Variants in RPL37A observed in about 807,000 individuals in gnomAD.
RPL37A encodes the protein large ribosomal subunit protein eL43.
A neutral mutation model predicts 13.6 loss-of-function variants in RPL37A; 5 were observed. The observed-to-expected ratio is 0.37, with a 90% CI of 0.19 to 0.78. The LOEUF is 0.78. RPL37A is among the 30% of genes least tolerant of loss of function. The pLI, the probability that RPL37A is intolerant of heterozygous loss-of-function variation, is 0.49. For synonymous variants in RPL37A, 50 were observed against 44.4 expected (o/e 1.13, Z -0.50); for missense variants, 77 against 120.0 (o/e 0.64, Z 1.67).
Position 216,499,482 on chromosome 2 carries a change from A to T in RPL37A, c.132+84A>T, listed in dbSNP as rs1695559096. Reference sequence around the variant, plus strand: ...AGGCCTGACTTCAAGGTATTTTATAAGCCGTGTGCTGGTGGGCAGTTGGAA... The same window carrying T: ...AGGCCTGACTTCAAGGTATTTTATATGCCGTGTGCTGGTGGGCAGTTGGAA... On this transcript the variant is annotated intron_variant, in intron 2 of 3. Transcript: ENST00000491306. The T allele has an allele frequency of 5.3e-6, 8 of 1,510,470 alleles. No homozygotes were observed. In the South Asian group the frequency reaches 1.0e-4, roughly 19 times the overall value. The allele number at this position is 1,510,470 out of a possible 1,614,324, so 93.6% of individuals were successfully genotyped here.
chr2:216,502,570 T>G lies in RPL37A; in HGVS notation c.*1166T>G, dbSNP rs1365310363. The G allele has an allele frequency of 6.6e-6, 1 of 152,246 alleles. No individual in the cohort carries two copies. Among genetic ancestry groups the G allele is most frequent in the Non-Finnish European group, 1.5e-5 (1 of 68,048 alleles). 9.4% of individuals were successfully genotyped at this position (152,246 alleles called of 1,614,324 possible). ...ATGAATTGCCTTGGAGAATTCGAGTTATTTTAGGCCTGCCTTTGACACTTT... is the reference window on the plus strand; with the variant it reads ...ATGAATTGCCTTGGAGAATTCGAGTGATTTTAGGCCTGCCTTTGACACTTT... On this transcript the variant is annotated 3_prime_UTR_variant, in exon 4 of 4. Coordinates refer to ENST00000491306, the MANE Select transcript of RPL37A (RefSeq NM_000998.5).
chr2:216,502,415 C>G lies in RPL37A; in HGVS notation c.*1011C>G, dbSNP rs1239038574. On this transcript the variant is annotated 3_prime_UTR_variant, in exon 4 of 4. Coordinates refer to ENST00000491306, the MANE Select transcript of RPL37A (RefSeq NM_000998.5). ...TTCATTTGACCTACACCATCAGCATCTTCAGGAAACAGTATGAAACTAATT... is the reference window on the plus strand; with the variant it reads ...TTCATTTGACCTACACCATCAGCATGTTCAGGAAACAGTATGAAACTAATT... The G allele has an allele frequency of 6.6e-6, 1 of 152,228 alleles. No homozygotes were observed. The highest frequency in any genetic ancestry group is 1.5e-5 in the Non-Finnish European group (1 of 68,042). 9.4% of individuals were successfully genotyped at this position (152,228 alleles called of 1,614,324 possible). A position where few individuals can be genotyped will look rare whatever the true frequency, so the allele number is the denominator to read the frequency against.
chr2:216,499,037 G>A, intron 1 of RPL37A, 160 bp downstream of exon 1: 1 of 1,256,150 alleles, frequency 8.0e-7, no homozygotes, highest in South Asian at 1.4e-5. Context: ...AAGGCGGAGG[G>A]GCGGGGGCGC....
intron 3 of RPL37A, chr2:216,500,719 G>C (rs1430487767): frequency 2.0e-5 from 3 of 152,240 alleles, no homozygotes; most frequent in Admixed American, 1.3e-4. Context: ...TGCTTTCTTG[G>C]TTCTGATAGG....
rs1409201745 is a variant in RPL37A, at chr2:216,500,015, G to A, written c.199G>A (p.Gly67Ser). The stretch of plus-strand genomic sequence containing the variant: ...TTCCTGCATGAAGACAGTGGCTGGC[G>A]GTGCCTGGACGTACAAGTGAGTCTA... ...CGSCMKTVAG[G>S]AWTYNTTSAV... Residue 67 changes from glycine (G) to serine (S), a missense_variant, in exon 3 of 4, where the codon GGT becomes AGT. Around this residue, in one of 3 missense-constraint regions of RPL37A, gnomAD observed 59 missense variants for 65.5 expected, o/e 0.90. Coordinates refer to ENST00000491306, the MANE Select transcript of RPL37A (RefSeq NM_000998.5). 6.2e-7 allele frequency: 1 copy of A among 1,613,508 alleles called. No homozygotes were observed. The highest frequency in any genetic ancestry group is 8.5e-7 in the Non-Finnish European group (1 of 1,179,818).
rs867180308 is a variant in RPL37A at position 216,498,852 on chromosome 2, G to T, written c.-23G>T. ...GCGCACCGCGTCTCTTCCTTTCTGG[G>T]CTCGGACCTAGGTCGCGGCGACATG... On this transcript the variant is annotated 5_prime_UTR_variant, in exon 1 of 4. Transcript: ENST00000491306. The T allele has an allele frequency of 2.5e-6, 4 of 1,613,998 alleles. No homozygotes were observed. The African/African-American group carries it at 5.3e-5, about 22-fold the overall frequency.
Position 216,501,446 on chromosome 2 carries a change from T to G in RPL37A, c.*42T>G. On this transcript the variant is annotated 3_prime_UTR_variant, in exon 4 of 4. Transcript: ENST00000491306. ...TGAGACATCACTGGCCTATAATAAA[T>G]GGGTTAATTTATGTAACAAAATTGC... The G allele has an allele frequency of 1.4e-6, 2 of 1,421,674 alleles. No homozygotes were observed. Among genetic ancestry groups the G allele is most frequent in the South Asian group, 2.4e-5 (2 of 83,248 alleles). The allele number at this position is 1,421,674 out of a possible 1,614,324, so 88.1% of individuals were successfully genotyped here.
At position 216,503,687 on chromosome 2, in the gene RPL37A, C is replaced by T. The variant is rs1428485896; in HGVS notation, c.*2283C>T. 1 of 152,204 alleles carries T rather than the reference C, an allele frequency of 6.6e-6. No homozygotes were observed. Among genetic ancestry groups the T allele is most frequent in the Non-Finnish European group, 1.5e-5 (1 of 68,050 alleles). 9.4% of individuals were successfully genotyped at this position (152,204 alleles called of 1,614,324 possible). A position where few individuals can be genotyped will look rare whatever the true frequency, so the allele number is the denominator to read the frequency against. On this transcript the variant is annotated 3_prime_UTR_variant, in exon 4 of 4. Transcript: ENST00000491306. ...CAAAGTGCTGGGATTCTGTAAGCCA[C>T]CTCACCCAGCCATGTATTGCTTTTT...
At position 216,499,914 on chromosome 2, in the gene RPL37A, C is replaced by T. The variant is rs768734933; in HGVS notation, c.133-35C>T. The T allele has an allele frequency of 3.9e-6, 6 of 1,549,514 alleles. No individual in the cohort carries two copies. In the East Asian group the frequency reaches 1.3e-4, roughly 35 times the overall value. On this transcript the variant is annotated intron_variant, in intron 2 of 3. Transcript: ENST00000491306. ...GGATGCTTGTAAGAGAAAATACTTACTTGGTTCATAGTGAAAATTGGTTCT... is the reference window on the plus strand; with the variant it reads ...GGATGCTTGTAAGAGAAAATACTTATTTGGTTCATAGTGAAAATTGGTTCT...
chr2:216,501,180 T>C (rs1447857504), intron 3 of RPL37A, 161 bp from the exon 4 acceptor site: 9 of 564,364 alleles, frequency 1.6e-5, no homozygotes, highest in Non-Finnish European at 2.9e-5. Context: ...GATCTTTGGA[T>C]TGACTGCAGC....
rs201923364 is a variant in RPL37A at position 216,501,695 on chromosome 2, T to TA, written c.*294dup. 452 of 249,050 alleles carry TA rather than the reference T, an allele frequency of 1.8e-3. 6 individuals are homozygous for TA. In the East Asian group the frequency reaches 0.024, roughly 13 times the overall value. 15.4% of individuals were successfully genotyped at this position (249,050 alleles called of 1,614,324 possible). ...CTTTGAGATACATTGGAGCCAACTG[T>TA]AAACTTTAGTTTTTAAATTACAGTT... On this transcript the variant is annotated 3_prime_UTR_variant, in exon 4 of 4. Coordinates refer to ENST00000491306, the MANE Select transcript of RPL37A (RefSeq NM_000998.5).
At chr2:216,499,040 G>C in intron 1 of RPL37A, 163 bp downstream of exon 1, 1 of 1,243,984 alleles carries the variant, frequency 8.0e-7, no homozygotes, top group East Asian at 2.5e-5. Flanking sequence ...GCGGAGGGGC[G>C]GGGGCGCCTT....
rs776813037 is a variant in RPL37A, at chr2:216,499,335, G to A, written c.69G>A (p.Arg23=). The change falls in exon 2 of 4, where the codon CGG becomes CGA. Residue 23 remains arginine, a synonymous_variant. Transcript: ENST00000491306. ...KYGTRYGASL[R]KMVKKIEISQ... ...GGACCCGCTATGGGGCCTCCCTCCG[G>A]AAAATGGTGAAGAAAATTGAAATCA... The A allele has an allele frequency of 1.1e-5, 18 of 1,614,120 alleles. No individual in the cohort carries two copies. The highest frequency in any genetic ancestry group is 1.4e-5 in the Non-Finnish European group (17 of 1,180,024).
Sources: gnomAD v4.1 joint callset for allele counts on GRCh38, gnomAD v4.1.1 for gene constraint, gnomAD v4.1.1 regional missense constraint, MANE v1.5 for transcripts, NCBI Gene and HGNC (gene_info 2026-07-23, HGNC 2026-07-21) for gene names.